The following EPHA6 variants were observed in gnomAD, a reference collection of about 807,000 sequenced individuals.
EPHA6 encodes the protein EPH receptor A6.
In EPHA6, 50 loss-of-function variants were observed where a neutral mutation model predicts 112.0. The observed-to-expected ratio is 0.45, with a 90% CI of 0.36 to 0.56. The LOEUF (loss-of-function observed/expected upper bound fraction) is 0.56, where lower values mean the gene tolerates loss of function less well. Ranked by LOEUF, EPHA6 falls within the 20% of genes least tolerant of loss-of-function variation. The pLI, the probability that EPHA6 is intolerant of heterozygous loss-of-function variation, is 0.00. For missense variants in EPHA6, 1,280 were observed against 1,417.4 expected (o/e 0.90, Z 1.56); for synonymous variants, 529 against 490.7 (o/e 1.08, Z -1.03).
intron 3 of EPHA6, among the ~76,000 whole-genome samples, chr3:96,994,732 T>TAGAGAGAGAGAGAG (rs71623564): frequency 1.7e-4 from 14 of 82,190 alleles, no homozygotes; most frequent in African/African-American, 2.6e-4. Flanking sequence ...TATATATATA[T>TAGAGAGAGAGAGAG]AGAGAGAGAG....
intron 12 of EPHA6, among the ~76,000 whole-genome samples, chr3:97,596,118 G>A (rs1477023657): frequency 6.6e-6 from 1 of 151,396 alleles, no homozygotes; most frequent in Non-Finnish European, 1.5e-5. Context: ...TGTTAGCCAG[G>A]ATGGTCTCGA....
chr3:96,842,128 G>T (rs2034789359), intron 1 of EPHA6, among the ~76,000 whole-genome samples: 1 of 152,102 alleles, frequency 6.6e-6, no homozygotes, highest in Non-Finnish European at 1.5e-5. Context: ...CTAAAAGGAA[G>T]ATCTGATTCA....
At chr3:97,517,292 T>C (rs572114529) in intron 10 of EPHA6, among the ~76,000 whole-genome samples, 2 of 152,172 alleles carry the variant, frequency 1.3e-5, no homozygotes, top group East Asian at 1.9e-4. Context: ...GGAAGAACTA[T>C]AGTGTGTGTC....
At chr3:97,114,682 A>T (rs576512349) in intron 3 of EPHA6, among the ~76,000 whole-genome samples, 1 of 152,174 alleles carries the variant, frequency 6.6e-6, no homozygotes, top group East Asian at 1.9e-4. Context: ...TCCTTCATTA[A>T]GGTCATATTA....
At chr3:97,070,131 T>A (rs1395305208) in intron 3 of EPHA6, among the ~76,000 whole-genome samples, 10 of 152,162 alleles carry the variant, frequency 6.6e-5, no homozygotes, top group Admixed American at 5.2e-4. Context: ...ACTACTCAGT[T>A]GCTCAATAGT....
intron 15 of EPHA6, among the ~76,000 whole-genome samples, chr3:97,727,599 T>C (rs2034833388): frequency 6.6e-6 from 1 of 152,198 alleles, no homozygotes; most frequent in South Asian, 2.1e-4. Flanking sequence ...ATGGTCCTTG[T>C]GTAATGATCT....
At chr3:97,181,959 G>T (rs950536876) in intron 3 of EPHA6, among the ~76,000 whole-genome samples, 5 of 151,924 alleles carry the variant, frequency 3.3e-5, no homozygotes, top group Admixed American at 2.0e-4. Flanking sequence ...GCCGACACTT[G>T]GCACAGCTGA....
chr3:97,177,340 CTG>C (rs2076864140), intron 3 of EPHA6, among the ~76,000 whole-genome samples: 1 of 151,826 alleles, frequency 6.6e-6, no homozygotes, highest in Admixed American at 6.6e-5. Context: ...GGAAAAGAAT[CTG>C]TATTCTGAAG....
At chr3:97,184,751 T>C (rs1200701301) in intron 3 of EPHA6, among the ~76,000 whole-genome samples, 1 of 152,060 alleles carries the variant, frequency 6.6e-6, no homozygotes, top group Non-Finnish European at 1.5e-5. Context: ...GAGTCCACAT[T>C]GCCAAGTCAA....
At chr3:97,161,292 G>C (rs994702893) in intron 3 of EPHA6, among the ~76,000 whole-genome samples, 3 of 152,236 alleles carry the variant, frequency 2.0e-5, no homozygotes, top group Admixed American at 6.5e-5. Context: ...CAATGGTTTT[G>C]CTCTAAAATC....
chr3:97,683,354 T>C (rs749574721), intron 14 of EPHA6, among the ~76,000 whole-genome samples: 60 of 152,274 alleles, frequency 3.9e-4, no homozygotes, highest in Non-Finnish European at 4.7e-4. Flanking sequence ...GTACCACTCA[T>C]TTAACAAAAA....
In EPHA6 at chr3:97,462,423, T is replaced by C. The variant is rs2090921061; in HGVS notation, c.1895-12929T>C. 5.3e-5 allele frequency among the ~76,000 whole-genome samples: 8 copies of C among 152,270 alleles called. No homozygotes were observed. The South Asian group carries it at 1.7e-3, about 32-fold the overall frequency. Reference sequence around the variant, plus strand: ...ATTAAAAAGAAGAAGAATGTAATTCTGGCAAAAGACCTTTTGTAGGACAGC... The same window carrying C: ...ATTAAAAAGAAGAAGAATGTAATTCCGGCAAAAGACCTTTTGTAGGACAGC... On this transcript the variant is annotated intron_variant, in intron 7 of 17. Transcript: ENST00000389672.
At chr3:97,170,974 G>T (rs947450431) in intron 3 of EPHA6, among the ~76,000 whole-genome samples, 1 of 152,078 alleles carries the variant, frequency 6.6e-6, no homozygotes, top group Non-Finnish European at 1.5e-5. Flanking sequence ...TCACTATGAA[G>T]TCAAAACATG....
At chr3:97,727,577 C>T (rs1260943345) in intron 15 of EPHA6, among the ~76,000 whole-genome samples, 1 of 151,988 alleles carries the variant, frequency 6.6e-6, no homozygotes, top group Non-Finnish European at 1.5e-5. Context: ...CCAAACTCTA[C>T]TTTATTATGT....
At position 96,982,048 on chromosome 3, in the gene EPHA6, A is replaced by G. The variant is rs149125514; in HGVS notation, c.451-5282A>G. 5.5e-3 allele frequency among the ~76,000 whole-genome samples: 831 copies of G among 151,716 alleles called. 9 individuals carry two copies. Among genetic ancestry groups the G allele is most frequent in the African/African-American group, 0.017 (714 of 41,338 alleles). On this transcript the variant is annotated intron_variant, in intron 2 of 17. Transcript: ENST00000389672. ...TTTTTGAAGGGTTTTTTGTGTCTCTATCTCCTTCAGTTCTTCTCTAATCTT... is the reference window on the plus strand; with the variant it reads ...TTTTTGAAGGGTTTTTTGTGTCTCTGTCTCCTTCAGTTCTTCTCTAATCTT...
At chr3:97,420,522 A>C (rs1397262740) in intron 6 of EPHA6, among the ~76,000 whole-genome samples, 1 of 152,124 alleles carries the variant, frequency 6.6e-6, no homozygotes, top group East Asian at 1.9e-4. Context: ...TTGCATAATT[A>C]CTTCACTACT....
At chr3:97,577,793 T>TTTTTTG (rs759770821) in intron 11 of EPHA6, among the ~76,000 whole-genome samples, 64 of 152,220 alleles carry the variant, frequency 4.2e-4, no homozygotes, top group Non-Finnish European at 8.2e-4. Flanking sequence ...TCTTTTCCGG[T>TTTTTTG]TTTTTGTTTT....
At chr3:97,233,845 G>A (rs2108560790) in intron 4 of EPHA6, among the ~76,000 whole-genome samples, 1 of 152,220 alleles carries the variant, frequency 6.6e-6, no homozygotes, top group East Asian at 1.9e-4. Context: ...CTAAAATTGT[G>A]GAAATGAGTA....
chr3:97,045,599 A>G (rs939134540), intron 3 of EPHA6, among the ~76,000 whole-genome samples: 1 of 152,074 alleles, frequency 6.6e-6, no homozygotes, highest in Non-Finnish European at 1.5e-5. Flanking sequence ...AGAAATCATC[A>G]TAAGTTACAC....
Sources: gnomAD v4.1 joint callset for allele counts (sites outside exome capture counted in the v4.1 genomes callset) on GRCh38, gnomAD v4.1.1 for gene constraint, MANE v1.5 for transcripts, NCBI Gene and HGNC (gene_info 2026-07-23, HGNC 2026-07-21) for gene names.